Variants in IGF2BP3 observed in about 807,000 individuals in gnomAD.
IGF2BP3 encodes insulin like growth factor 2 mRNA binding protein 3.
A neutral mutation model predicts 73.8 loss-of-function variants in IGF2BP3; 9 were observed. The ratio of observed to expected loss-of-function variants is 0.12; its 90% CI spans 0.07 to 0.21. IGF2BP3 has a LOEUF of 0.21. Among genes scored for constraint, IGF2BP3 ranks in the 10% least tolerant of loss-of-function variants. The probability of loss-of-function intolerance (pLI) is 1.00; values close to 1 mark genes in which losing one functional copy is unlikely to be tolerated. For synonymous variants in IGF2BP3, 258 were observed against 256.7 expected, an observed-to-expected ratio of 1.01 and a Z score of -0.05; for missense variants, 542 against 714.0, an observed-to-expected ratio of 0.76 and a Z score of 2.75.
chr7:23,418,612 C>A (rs778978637), intron 3 of IGF2BP3, among the ~76,000 whole-genome samples, 164 bp downstream of exon 3: 3 of 152,150 alleles, frequency 2.0e-5, no homozygotes, highest in Non-Finnish European at 4.4e-5. Flanking sequence ...AAAAGATACA[C>A]TGTGCCCTTA....
At chr7:23,328,725 C>G (rs1340515493) in intron 10 of IGF2BP3, among the ~76,000 whole-genome samples, 1 of 152,008 alleles carries the variant, frequency 6.6e-6, no homozygotes, top group Non-Finnish European at 1.5e-5. Flanking sequence ...TATACATGAC[C>G]AAGTAATTTA....
intron 2 of IGF2BP3, among the ~76,000 whole-genome samples, chr7:23,457,276 C>A (rs967560137): frequency 9.2e-5 from 14 of 151,906 alleles, no homozygotes; most frequent in Admixed American, 1.3e-4. Context: ...CCAGCCTGGC[C>A]AACATGGCAA....
chr7:23,310,980 T>A lies in IGF2BP3; in HGVS notation c.*1382A>T, dbSNP rs1309111625. ...CAAATGAGTTCGTTATCAAAGGTCA[T>A]ATGTTTTCACAGTCATTCAAATTAT... On this transcript the variant is annotated 3_prime_UTR_variant, in exon 15 of 15. Coordinates refer to ENST00000258729, the MANE Select transcript of IGF2BP3 (RefSeq NM_006547.3). 6.6e-6 allele frequency: 1 copy of A among 152,186 alleles called. No homozygotes were observed. The highest frequency in any genetic ancestry group is 1.5e-5 in the Non-Finnish European group (1 of 68,034). The allele number at this position is 152,186 out of a possible 1,614,324, so 9.4% of individuals were successfully genotyped here.
intron 2 of IGF2BP3, among the ~76,000 whole-genome samples, chr7:23,426,685 A>G (rs990391771): frequency 6.6e-6 from 1 of 152,226 alleles, no homozygotes; most frequent in Non-Finnish European, 1.5e-5. Flanking sequence ...AGTTGTAGTT[A>G]GATCCAAAGG....
chr7:23,323,530 G>A (rs1784214958), intron 10 of IGF2BP3, among the ~76,000 whole-genome samples: 1 of 146,856 alleles, frequency 6.8e-6, no homozygotes, highest in East Asian at 1.9e-4. Context: ...AAGTCAACAA[G>A]GATACCCAGG....
At chr7:23,452,819 G>T (rs1172661550) in intron 2 of IGF2BP3, among the ~76,000 whole-genome samples, 1 of 142,844 alleles carries the variant, frequency 7.0e-6, no homozygotes, top group Non-Finnish European at 1.5e-5. Context: ...AAAAAAAAGT[G>T]GGGGGCGCAC....
intron 2 of IGF2BP3, among the ~76,000 whole-genome samples, chr7:23,422,560 C>T (rs981885870): frequency 4.6e-5 from 7 of 152,158 alleles, no homozygotes; most frequent in African/African-American, 9.7e-5. Flanking sequence ...GTCTCACACA[C>T]GCACACAAAG....
chr7:23,461,268 T>A (rs1788445473), intron 2 of IGF2BP3, among the ~76,000 whole-genome samples: 1 of 152,140 alleles, frequency 6.6e-6, no homozygotes, highest in Non-Finnish European at 1.5e-5. Flanking sequence ...CTTTCCTTCA[T>A]CCTACAGCCA....
Position 23,469,128 on chromosome 7 carries a change from T to C in IGF2BP3, c.176-586A>G, listed in dbSNP as rs372762995. On this transcript the variant is annotated intron_variant, in intron 1 of 14. Transcript: ENST00000258729. The surrounding 1 kb of genome is among the most constrained non-coding windows in gnomAD (Gnocchi z 6.1). ...GCGCCCGCACCACGTCTGAATTGAT[T>C]AAAAGGGAAGCCGAAAGGCACGGGG... 2.3e-3 allele frequency: 359 copies of C among 152,910 alleles called. 1 individual carries two copies. Among genetic ancestry groups the C allele is most frequent in the African/African-American group, 8.4e-3 (346 of 41,114 alleles). The allele number at this position is 152,910 out of a possible 1,614,324, so 9.5% of individuals were successfully genotyped here.
intron 5 of IGF2BP3, among the ~76,000 whole-genome samples, chr7:23,352,903 T>C (rs1454694624): frequency 4.6e-5 from 7 of 152,090 alleles, no homozygotes; most frequent in Admixed American, 2.6e-4. Context: ...TGTTGTGTTC[T>C]GTTTTCTGGG....
At chr7:23,334,976 G>T (rs973757973) in intron 10 of IGF2BP3, among the ~76,000 whole-genome samples, 14 of 149,490 alleles carry the variant, frequency 9.4e-5, no homozygotes, top group South Asian at 4.2e-4. Context: ...ATACTCCTGG[G>T]TTTTTTTGTT....
chr7:23,397,620 T>C lies in IGF2BP3; in HGVS notation c.285+21156A>G, dbSNP rs150821893. ...CTCATAATAGGAATGCTGCATCCCC[T>C]ACATGAAATGACAAAATGTATTCTG... On this transcript the variant is annotated intron_variant, in intron 3 of 14. Coordinates refer to ENST00000258729, the MANE Select transcript of IGF2BP3 (RefSeq NM_006547.3). Among the ~76,000 whole-genome samples, 46 of 152,336 alleles carry C rather than the reference T, an allele frequency of 3.0e-4. No homozygotes were observed. The East Asian group carries it at 5.2e-3, about 17-fold the overall frequency.
At chr7:23,373,640 G>A (rs911455948) in intron 3 of IGF2BP3, among the ~76,000 whole-genome samples, 1 of 152,132 alleles carries the variant, frequency 6.6e-6, no homozygotes, top group Non-Finnish European at 1.5e-5. Context: ...CAGTACAGCA[G>A]TTCCTCAAAA....
chr7:23,469,302 C>CT lies in IGF2BP3; in HGVS notation c.175+633dup, dbSNP rs1788648249. On this transcript the variant is annotated intron_variant, in intron 1 of 14. Coordinates refer to ENST00000258729, the MANE Select transcript of IGF2BP3 (RefSeq NM_006547.3). This position sits in a 1 kb window ranked among gnomAD's most constrained non-coding sequence, Gnocchi z 6.1. ...GCGGCCGGTGCGTGGCGGCGACTCC[C>CT]TTCCAGGCGACCAGCCGCCCCCGCC... 6.6e-6 allele frequency: 1 copy of CT among 152,140 alleles called. No individual in the cohort carries two copies. Among genetic ancestry groups the CT allele is most frequent in the Non-Finnish European group, 1.5e-5 (1 of 68,076 alleles). 9.4% of individuals were successfully genotyped at this position (152,140 alleles called of 1,614,324 possible).
intron 12 of IGF2BP3, among the ~76,000 whole-genome samples, chr7:23,316,030 G>C (rs1406804420): frequency 6.6e-6 from 1 of 152,178 alleles, no homozygotes; most frequent in East Asian, 1.9e-4. Flanking sequence ...AGACATGTTT[G>C]TATTTATCTT....
At chr7:23,352,277 C>CTTTTT (rs1491103583) in intron 5 of IGF2BP3, among the ~76,000 whole-genome samples, 1 of 101,922 alleles carries the variant, frequency 9.8e-6, no homozygotes, top group Admixed American at 1.1e-4. Flanking sequence ...CTCTCTTTTT[C>CTTTTT]ATTTTTTTTT....
At chr7:23,374,501 AC>A (rs1273630284) in intron 3 of IGF2BP3, among the ~76,000 whole-genome samples, 2 of 151,826 alleles carry the variant, frequency 1.3e-5, no homozygotes, top group African/African-American at 4.8e-5. Flanking sequence ...CATAGGAAAG[AC>A]CCCATCTCTA....
intron 3 of IGF2BP3, among the ~76,000 whole-genome samples, chr7:23,405,514 G>C (rs1340995291): frequency 6.6e-6 from 1 of 152,200 alleles, no homozygotes; most frequent in Admixed American, 6.5e-5. Flanking sequence ...TTGTAGTTTA[G>C]GCTGGAGAAG....
intron 11 of IGF2BP3, 195 bp from the exon 12 acceptor site, chr7:23,317,908 C>G: frequency 3.4e-6 from 2 of 588,566 alleles, no homozygotes; most frequent in East Asian, 2.8e-5. Context: ...TATGCTTATT[C>G]TGTGCCGGGC....
Sources: gnomAD v4.1 joint callset for allele counts (sites outside exome capture counted in the v4.1 genomes callset) on GRCh38, gnomAD v4.1.1 for gene constraint, Gnocchi (gnomAD v3.1) non-coding constraint, MANE v1.5 for transcripts, NCBI Gene and HGNC (gene_info 2026-07-23, HGNC 2026-07-21) for gene names.